E2F3: variants seen among roughly 807,000 people sequenced by gnomAD.
E2F3 encodes transcription factor E2F3.
In E2F3, 11 loss-of-function variants were observed where a neutral mutation model predicts 44.4. That is an observed-to-expected ratio of 0.25 (90% CI 0.16 to 0.41). The LOEUF (loss-of-function observed/expected upper bound fraction) is 0.41. Ranked by LOEUF, E2F3 falls within the 10% of genes least tolerant of loss-of-function variation. The pLI is 1.00. For synonymous variants in E2F3, 249 were observed against 253.0 expected (o/e 0.98, Z 0.15); for missense variants, 487 against 583.6 (o/e 0.83, Z 1.70).
chr6:20,433,239 ACT>A (rs1353327592), intron 1 of E2F3, among the ~76,000 whole-genome samples: 1 of 151,820 alleles, frequency 6.6e-6, no homozygotes, highest in Non-Finnish European at 1.5e-5. Context: ...TTAAATTCAG[ACT>A]CTGTGGACTC....
At chr6:20,404,584 T>C (rs959290217) in intron 1 of E2F3, among the ~76,000 whole-genome samples, 2 of 152,170 alleles carry the variant, frequency 1.3e-5, no homozygotes, top group African/African-American at 4.8e-5. Context: ...CTTTGGGAAA[T>C]GGGATGGGTT....
rs759768093 is a variant in E2F3 at position 20,490,310 on chromosome 6, G to C, written c.1278G>C (p.Leu426=). ...TAGAAGGACCGTTTGTGAACTTACT[G>C]CCTCCCCTGCTGCAAGAGGACTATC... ...SNLEGPFVNL[L]PPLLQEDYLL... is the part of the protein sequence containing the mutation. Residue 426 remains leucine, a synonymous_variant, in exon 7 of 7, where the codon CTG becomes CTC. Transcript: ENST00000346618. This position sits in a 1 kb window ranked among gnomAD's most constrained non-coding sequence, Gnocchi z 4.3. 3.7e-6 allele frequency: 6 copies of C among 1,614,154 alleles called. No individual in the cohort carries two copies. In the East Asian group the frequency reaches 1.1e-4, roughly 30 times the overall value.
chr6:20,435,281 G>A (rs1760537238), intron 1 of E2F3, among the ~76,000 whole-genome samples: 1 of 152,122 alleles, frequency 6.6e-6, no homozygotes, highest in African/African-American at 2.4e-5. Flanking sequence ...CCTGGCCGAT[G>A]TGCCCCAAGT....
intron 1 of E2F3, among the ~76,000 whole-genome samples, chr6:20,411,705 C>T (rs1759678953): frequency 6.6e-6 from 1 of 152,196 alleles, no homozygotes; most frequent in African/African-American, 2.4e-5. Flanking sequence ...TTGTTGCCCT[C>T]CTCCCACTGG....
chr6:20,485,937 A>C (rs1452829862), intron 4 of E2F3, among the ~76,000 whole-genome samples: 1 of 152,164 alleles, frequency 6.6e-6, no homozygotes, highest in South Asian at 2.1e-4. Context: ...CTGGAGTTTC[A>C]AAAAAATTAT....
Position 20,402,678 on chromosome 6 carries a change from C to A in E2F3, c.393+53C>A. The A allele has an allele frequency of 7.7e-7, 1 of 1,294,530 alleles. No individual in the cohort carries two copies. The highest frequency in any genetic ancestry group is 9.8e-7 in the Non-Finnish European group (1 of 1,025,424). 80.2% of individuals were successfully genotyped at this position (1,294,530 alleles called of 1,614,324 possible). A position where few individuals can be genotyped will look rare whatever the true frequency, so the allele number is the denominator to read the frequency against. On this transcript the variant is annotated intron_variant, in intron 1 of 6. Transcript: ENST00000346618. The surrounding 1 kb of genome is among the most constrained non-coding windows in gnomAD (Gnocchi z 5.6). ...AGCCCCGGCGGGAGGTGGGCTCGCA[C>A]CGCGCGGGGTCGTGGGCGCGCTGCG...
Position 20,490,352 on chromosome 6 carries a change from G to A in E2F3, c.1320G>A (p.Glu440=), listed in dbSNP as rs1488815632. ...LQEDYLLSLG[E]EEGISDLFDA... is the part of the protein sequence containing the mutation. Reference sequence around the variant, plus strand: ...AGGACTATCTCCTGAGCCTCGGGGAGGAGGAAGGCATCAGCGATCTCTTCG... The same window carrying A: ...AGGACTATCTCCTGAGCCTCGGGGAAGAGGAAGGCATCAGCGATCTCTTCG... The change falls in exon 7 of 7, where the codon GAG becomes GAA. Residue 440 remains glutamate (E), a synonymous_variant. Coordinates refer to ENST00000346618, the MANE Select transcript of E2F3 (RefSeq NM_001949.5). The surrounding 1 kb of genome is among the most constrained non-coding windows in gnomAD (Gnocchi z 4.3). 1.9e-6 allele frequency: 3 copies of A among 1,613,470 alleles called. No homozygotes were observed. Among genetic ancestry groups the A allele is most frequent in the Non-Finnish European group, 2.5e-6 (3 of 1,179,742 alleles).
In E2F3 at chr6:20,402,079, G is replaced by T. The variant is rs531137432; in HGVS notation, c.-154G>T. ...TTGGCCCCCGGGGCCTGTGCGGTGCGGAAAAATAAAAAGAAAAGAGAGAGA... is the reference window on the plus strand; with the variant it reads ...TTGGCCCCCGGGGCCTGTGCGGTGCTGAAAAATAAAAAGAAAAGAGAGAGA... On this transcript the variant is annotated 5_prime_UTR_variant, in exon 1 of 7. Transcript: ENST00000346618. The surrounding 1 kb of genome is among the most constrained non-coding windows in gnomAD (Gnocchi z 5.6). 7.5e-6 allele frequency: 10 copies of T among 1,333,648 alleles called. No homozygotes were observed. In the East Asian group the frequency reaches 2.8e-4, roughly 38 times the overall value. The allele number at this position is 1,333,648 out of a possible 1,614,324, so 82.6% of individuals were successfully genotyped here.
At chr6:20,445,128 T>C in intron 1 of E2F3, 1 of 985,440 alleles carries the variant, frequency 1.0e-6, no homozygotes, top group African/African-American at 1.7e-5. Context: ...GTTGGTCTTT[T>C]TGTGTAAGAA....
At position 20,430,245 on chromosome 6, in the gene E2F3, T is replaced by A. The variant is rs1581591705; in HGVS notation, c.393+27620T>A. On this transcript the variant is annotated intron_variant, in intron 1 of 6. Transcript: ENST00000346618. ...ATGCAATATTGGGGATATAGATATT[T>A]TTTAAATTTGTTGTTTGTTTGAAAT... 2.0e-5 allele frequency among the ~76,000 whole-genome samples: 3 copies of A among 152,340 alleles called. No individual in the cohort carries two copies. The East Asian group carries it at 5.8e-4, about 29-fold the overall frequency.
intron 1 of E2F3, among the ~76,000 whole-genome samples, chr6:20,474,244 A>G (rs1761978172): frequency 1.3e-5 from 2 of 152,168 alleles, no homozygotes; most frequent in African/African-American, 4.8e-5. Flanking sequence ...AGCTCTAACT[A>G]CATACATTTT....
At chr6:20,484,388 T>G (rs992984393) in intron 4 of E2F3, among the ~76,000 whole-genome samples, 4 of 152,240 alleles carry the variant, frequency 2.6e-5, no homozygotes, top group African/African-American at 9.6e-5. Context: ...TGCAGCATGT[T>G]GAGTAATCGT....
intron 1 of E2F3, among the ~76,000 whole-genome samples, chr6:20,477,285 C>A (rs905619285): frequency 1.3e-5 from 2 of 152,024 alleles, no homozygotes. Context: ...TGACTAGAAG[C>A]CTTACCAATA....
chr6:20,476,629 C>T (rs902200434), intron 1 of E2F3, among the ~76,000 whole-genome samples: 4 of 152,178 alleles, frequency 2.6e-5, no homozygotes, highest in African/African-American at 9.7e-5. Context: ...CAGAAACATT[C>T]CTGGGGTTAG....
At chr6:20,448,592 C>G (rs1376902052) in intron 1 of E2F3, among the ~76,000 whole-genome samples, 1 of 152,088 alleles carries the variant, frequency 6.6e-6, no homozygotes, top group Non-Finnish European at 1.5e-5. Flanking sequence ...GTTAATATGT[C>G]TTGTTTGTAT....
chr6:20,437,460 A>G (rs1561860330), intron 1 of E2F3, among the ~76,000 whole-genome samples: 1 of 152,110 alleles, frequency 6.6e-6, no homozygotes, highest in Non-Finnish European at 1.5e-5. Context: ...AAAATTCAAG[A>G]TCATACATTA....
At chr6:20,441,832 T>C (rs1760786222) in intron 1 of E2F3, among the ~76,000 whole-genome samples, 1 of 151,368 alleles carries the variant, frequency 6.6e-6, no homozygotes, top group South Asian at 2.1e-4. Flanking sequence ...CCTCCCAACG[T>C]GCTGGGATTA....
chr6:20,453,501 ACCT>A (rs1166733809), intron 1 of E2F3, among the ~76,000 whole-genome samples: 1 of 151,902 alleles, frequency 6.6e-6, no homozygotes, highest in Non-Finnish European at 1.5e-5. Context: ...TGCAGCCTCG[ACCT>A]CCTGTGCTCA....
At chr6:20,459,164 C>T (rs1157174170) in intron 1 of E2F3, among the ~76,000 whole-genome samples, 8 of 152,102 alleles carry the variant, frequency 5.3e-5, no homozygotes, top group Admixed American at 1.3e-4. Flanking sequence ...CCCAGCTACT[C>T]GGGAGGCTGA....
Sources: gnomAD v4.1 joint callset for allele counts (sites outside exome capture counted in the v4.1 genomes callset) on GRCh38, gnomAD v4.1.1 for gene constraint, Gnocchi (gnomAD v3.1) non-coding constraint, MANE v1.5 for transcripts, NCBI Gene and HGNC (gene_info 2026-07-23, HGNC 2026-07-21) for gene names.